Variants in PEBP4 observed in about 807,000 individuals in gnomAD.
PEBP4 encodes the protein phosphatidylethanolamine-binding protein 4.
In PEBP4, 22 loss-of-function variants were observed where a neutral mutation model predicts 23.9. The ratio of observed to expected loss-of-function variants is 0.92; its 90% confidence interval spans 0.66 to 1.31. PEBP4 has a LOEUF of 1.31. Among genes scored for constraint, PEBP4 ranks in the 40% most tolerant of loss-of-function variants. The probability of loss-of-function intolerance (pLI) is 0.00; values close to 1 mark genes in which losing one functional copy is unlikely to be tolerated. For synonymous variants in PEBP4, 112 were observed against 99.3 expected, an observed-to-expected ratio of 1.13 and a Z score of -0.76; for missense variants, 324 against 281.7, an observed-to-expected ratio of 1.15 and a Z score of -1.07.
At chr8:22,791,160 C>T (rs1457009375) in intron 4 of PEBP4, among the ~76,000 whole-genome samples, 1 of 152,136 alleles carries the variant, frequency 6.6e-6, no homozygotes, top group Non-Finnish European at 1.5e-5. Context: ...ACAGAAAGAA[C>T]TGGATTCCAC....
At chr8:22,754,603 A>T (rs1366849745) in intron 4 of PEBP4, among the ~76,000 whole-genome samples, 1 of 152,226 alleles carries the variant, frequency 6.6e-6, no homozygotes, top group African/African-American at 2.4e-5. Flanking sequence ...GGAAAGGCTC[A>T]TTCTAGAAAC....
chr8:22,806,768 C>A (rs1442539352), intron 4 of PEBP4, among the ~76,000 whole-genome samples: 1 of 152,198 alleles, frequency 6.6e-6, no homozygotes, highest in Non-Finnish European at 1.5e-5. Context: ...CCACCTACCA[C>A]AACAGTCATT....
At chr8:22,860,894 G>T (rs1258597854) in intron 3 of PEBP4, among the ~76,000 whole-genome samples, 2 of 152,206 alleles carry the variant, frequency 1.3e-5, no homozygotes, top group Non-Finnish European at 2.9e-5. Flanking sequence ...ACACTGTGCT[G>T]CCACGAGGTC....
At chr8:22,897,167 T>C (rs1808604862) in intron 3 of PEBP4, among the ~76,000 whole-genome samples, 1 of 152,128 alleles carries the variant, frequency 6.6e-6, no homozygotes, top group African/African-American at 2.4e-5. Flanking sequence ...TTTCTGCTAA[T>C]TGAGAAAATA....
intron 3 of PEBP4, among the ~76,000 whole-genome samples, chr8:22,821,138 G>C (rs796495066): frequency 6.6e-6 from 1 of 152,192 alleles, no homozygotes; most frequent in African/African-American, 2.4e-5. Context: ...AGTGAGCCAT[G>C]ACTGCACCAC....
chr8:22,928,896 A>G (rs1436357526), upstream of PEBP4, among the ~76,000 whole-genome samples: 2 of 152,254 alleles, frequency 1.3e-5, no homozygotes, highest in East Asian at 3.8e-4. Flanking sequence ...CTTTCAGCAT[A>G]GTCTGCTTTC....
chr8:22,905,563 A>G (rs1232277510), intron 3 of PEBP4, among the ~76,000 whole-genome samples: 2 of 152,124 alleles, frequency 1.3e-5, no homozygotes, highest in South Asian at 2.1e-4. Context: ...TGTTCTAGTT[A>G]TTTTGTGGCT....
At chr8:22,827,669 T>G (rs769184342) in intron 3 of PEBP4, among the ~76,000 whole-genome samples, 3 of 152,268 alleles carry the variant, frequency 2.0e-5, no homozygotes, top group Non-Finnish European at 4.4e-5. Context: ...CCACTTTGGC[T>G]ATTATGAATG....
At chr8:22,731,183 C>T (rs776076157) in intron 4 of PEBP4, among the ~76,000 whole-genome samples, 21 of 152,048 alleles carry the variant, frequency 1.4e-4, no homozygotes, top group Non-Finnish European at 2.5e-4. Context: ...GATGTTTTTT[C>T]GACAAAAGTT....
rs577687180 is a variant in PEBP4, at chr8:22,726,731, C to A, written c.403+444G>T. 3.3e-5 allele frequency among the ~76,000 whole-genome samples: 5 copies of A among 152,344 alleles called. No homozygotes were observed. The South Asian group carries it at 1.0e-3, about 32-fold the overall frequency. On this transcript the variant is annotated intron_variant, in intron 5 of 6. Transcript: ENST00000256404. ...CAGGCCTGCTTGGTGCCCAAGCCCA[C>A]GCTGCTTCACGGAACTGCAGGGCTA...
chr8:22,781,055 CTT>C (rs1184574479), intron 4 of PEBP4, among the ~76,000 whole-genome samples: 3 of 152,246 alleles, frequency 2.0e-5, no homozygotes, highest in Non-Finnish European at 2.9e-5. Flanking sequence ...ATCTGAAACT[CTT>C]TGTCTTTGAA....
intron 3 of PEBP4, among the ~76,000 whole-genome samples, chr8:22,824,473 G>A (rs1029790468): frequency 1.1e-4 from 16 of 152,156 alleles, no homozygotes; most frequent in African/African-American, 2.2e-4. Flanking sequence ...AACTGGTTTC[G>A]TGGAAGACAA....
chr8:22,836,970 C>T (rs1279741181), intron 3 of PEBP4, among the ~76,000 whole-genome samples: 1 of 152,138 alleles, frequency 6.6e-6, no homozygotes, highest in Non-Finnish European at 1.5e-5. Context: ...TCTCTATCTC[C>T]CAAGCTACAT....
chr8:22,893,691 C>A (rs1808539304), intron 3 of PEBP4, among the ~76,000 whole-genome samples: 1 of 151,918 alleles, frequency 6.6e-6, no homozygotes, highest in African/African-American at 2.4e-5. Flanking sequence ...AGAAGGTTAA[C>A]TATACAGAAT....
intron 6 of PEBP4, among the ~76,000 whole-genome samples, chr8:22,715,820 G>T (rs909761009): frequency 1.3e-5 from 2 of 152,214 alleles, no homozygotes; most frequent in Non-Finnish European, 2.9e-5. Context: ...GCCACAGAGG[G>T]CAAGTTCTAG....
At chr8:22,905,275 CTTT>C (rs147828166) in intron 3 of PEBP4, among the ~76,000 whole-genome samples, 19 of 149,972 alleles carry the variant, frequency 1.3e-4, no homozygotes, top group East Asian at 7.8e-4. Context: ...CATTAACATC[CTTT>C]TTTTTTAAAA....
chr8:22,799,797 C>T (rs146742661), intron 4 of PEBP4, among the ~76,000 whole-genome samples: 1,613 of 152,184 alleles, frequency 0.011, 24 homozygotes, highest in South Asian at 0.062. Flanking sequence ...AGTGAGAACA[C>T]GCGGTGTAAG....
intron 4 of PEBP4, among the ~76,000 whole-genome samples, chr8:22,772,143 C>G (rs1432928213): frequency 6.6e-6 from 1 of 152,246 alleles, no homozygotes; most frequent in East Asian, 1.9e-4. Context: ...CATTGTCTCA[C>G]TTAACCCTTC....
intron 4 of PEBP4, among the ~76,000 whole-genome samples, chr8:22,793,367 A>G (rs1050512629): frequency 2.8e-4 from 42 of 151,906 alleles, no homozygotes; most frequent in African/African-American, 9.7e-4. Flanking sequence ...CCTGGGTTCA[A>G]GTGATTCTCC....
Sources: gnomAD v4.1 joint callset for allele counts (sites outside exome capture counted in the v4.1 genomes callset) on GRCh38, gnomAD v4.1.1 for gene constraint, MANE v1.5 for transcripts, NCBI Gene and HGNC (gene_info 2026-07-23, HGNC 2026-07-21) for gene names.